DMD: variants seen among roughly 807,000 people sequenced by gnomAD.
DMD encodes mutant dystrophin.
In DMD, 63 loss-of-function variants were observed where a neutral mutation model predicts 330.1. That is an observed-to-expected ratio of 0.19 (90% CI 0.16 to 0.24). The LOEUF (loss-of-function observed/expected upper bound fraction) is 0.24. DMD is among the 10% of genes least tolerant of loss of function. The probability of loss-of-function intolerance (pLI) is 1.00; values close to 1 mark genes in which losing one functional copy is unlikely to be tolerated. For missense variants in DMD, 3,344 were observed against 2,684.1 expected (o/e 1.25, Z -5.43); for synonymous variants, 1,223 against 959.8 (o/e 1.27, Z -5.07).
chrX:31,941,536 CCTT>C lies in DMD; in HGVS notation c.6615-9312_6615-9310del, dbSNP rs758953014. On this transcript the variant is annotated intron_variant, in intron 45 of 78. Transcript: ENST00000357033. ...TCCTCCTGTCGCTGTCTCCTTCGCT[CCTT>C]CTCATTCTGATTTCAACTTTTATTT... Among the ~76,000 whole-genome samples the C allele has an allele frequency of 2.7e-5, 3 of 111,597 alleles. No homozygotes were observed. The East Asian group carries it at 8.5e-4, about 32-fold the overall frequency.
intron 8 of DMD, among the ~76,000 whole-genome samples, chrX:32,698,879 A>C (rs2063858431): frequency 1.8e-5 from 2 of 111,024 alleles, no homozygotes; most frequent in Admixed American, 1.9e-4. Flanking sequence ...TATTCCTATG[A>C]TATGGTACAT....
chrX:31,433,784 A>C (rs1462251575), intron 60 of DMD, among the ~76,000 whole-genome samples: 3 of 111,603 alleles, frequency 2.7e-5, no homozygotes, highest in Admixed American at 9.5e-5. Context: ...TTTTGGCAAA[A>C]CTATTTAAGT....
At chrX:32,216,673 T>C (rs887906640) in intron 44 of DMD, among the ~76,000 whole-genome samples, 10 of 111,482 alleles carry the variant, frequency 9.0e-5, no homozygotes, top group Non-Finnish European at 1.7e-4. Flanking sequence ...GATTCAATTA[T>C]ATTTTGCAGT....
intron 44 of DMD, among the ~76,000 whole-genome samples, chrX:32,057,268 A>G (rs144249805): frequency 1.4e-3 from 152 of 111,693 alleles, no homozygotes; most frequent in East Asian, 6.5e-3. Context: ...TACTAGCCAG[A>G]ACAATTAGAT....
At chrX:33,327,094 C>T (rs1218475882) in intron 1 of DMD, among the ~76,000 whole-genome samples, 1 of 112,056 alleles carries the variant, frequency 8.9e-6, no homozygotes, top group Non-Finnish European at 1.9e-5. Flanking sequence ...ATTGACATTC[C>T]TATTTGTTCA....
intron 44 of DMD, among the ~76,000 whole-genome samples, chrX:32,058,318 G>C (rs1218760860): frequency 9.1e-6 from 1 of 109,915 alleles, no homozygotes; most frequent in Non-Finnish European, 1.9e-5. Context: ...GAGAGAAAAG[G>C]TTTGCAAACC....
chrX:32,644,649 G>T (rs762726923), intron 10 of DMD, among the ~76,000 whole-genome samples: 38 of 110,399 alleles, frequency 3.4e-4, no homozygotes, highest in African/African-American at 1.2e-3. Flanking sequence ...TATCATCTCA[G>T]GAAAAGTCTC....
chrX:32,818,564 G>A (rs965498705), intron 5 of DMD, among the ~76,000 whole-genome samples: 9 of 111,617 alleles, frequency 8.1e-5, no homozygotes, highest in East Asian at 5.7e-4. Flanking sequence ...GTGTGTGTGC[G>A]CGCATACAAC....
chrX:31,429,185 C>A (rs1354371658), intron 60 of DMD, among the ~76,000 whole-genome samples: 3 of 110,418 alleles, frequency 2.7e-5, no homozygotes. Flanking sequence ...ATAGGAAAAA[C>A]CAGAAAAAAC....
chrX:31,185,440 C>T (rs1022703558), intron 67 of DMD, among the ~76,000 whole-genome samples: 1 of 111,879 alleles, frequency 8.9e-6, no homozygotes, highest in African/African-American at 3.3e-5. Flanking sequence ...TTAATTCCTT[C>T]TGCCTTACTG....
At chrX:31,561,188 C>G (rs2075177818) in intron 55 of DMD, among the ~76,000 whole-genome samples, 1 of 112,093 alleles carries the variant, frequency 8.9e-6, no homozygotes, top group Non-Finnish European at 1.9e-5. Flanking sequence ...CAAGCTTGAA[C>G]AGCTGTAGCC....
intron 44 of DMD, among the ~76,000 whole-genome samples, chrX:32,132,152 T>C (rs1290693115): frequency 9.8e-5 from 11 of 111,872 alleles, no homozygotes; most frequent in Non-Finnish European, 1.9e-4. Context: ...ACAATATTAA[T>C]AGATATAATG....
At chrX:32,682,305 G>A (rs2062486204) in intron 9 of DMD, among the ~76,000 whole-genome samples, 1 of 111,313 alleles carries the variant, frequency 9.0e-6, no homozygotes, top group African/African-American at 3.3e-5. Context: ...TTGCAAAGGA[G>A]AAGAAAGCTC....
chrX:32,146,170 T>A (rs2096777286), intron 44 of DMD, among the ~76,000 whole-genome samples: 2 of 112,499 alleles, frequency 1.8e-5, no homozygotes, highest in African/African-American at 6.5e-5. Context: ...CTGCTTTTTT[T>A]ATTCACAATG....
intron 50 of DMD, among the ~76,000 whole-genome samples, chrX:31,776,930 C>A (rs1329577745): frequency 8.9e-6 from 1 of 111,892 alleles, no homozygotes; most frequent in Non-Finnish European, 1.9e-5. Flanking sequence ...TATTTCTGGT[C>A]TTCTCTTCTC....
intron 55 of DMD, among the ~76,000 whole-genome samples, chrX:31,569,640 ATG>A (rs2075682077): frequency 2.4e-5 from 2 of 83,509 alleles, no homozygotes; most frequent in African/African-American, 8.8e-5. Context: ...ACGTATATAT[ATG>A]TATATACGTA....
chrX:32,233,599 TTTTATTTATTTATTTATTTATTTA>T (rs767364915), intron 43 of DMD, among the ~76,000 whole-genome samples: 2 of 87,960 alleles, frequency 2.3e-5, no homozygotes, highest in African/African-American at 4.3e-5. Context: ...TTTCTTTTTC[TTTTATTTATTTATTTATTTATTTA>T]TTTATTTATT....
At chrX:32,595,718 T>G (rs1454888316) in intron 13 of DMD, 39 bp downstream of exon 13, 1 of 1,189,696 alleles carries the variant, frequency 8.4e-7, no homozygotes, top group South Asian at 1.8e-5. Context: ...ATAGTTCTTT[T>G]AAAGGACATA....
chrX:32,411,573 A>T (rs2098142258), intron 30 of DMD, among the ~76,000 whole-genome samples, 179 bp downstream of exon 30: 1 of 111,820 alleles, frequency 8.9e-6, no homozygotes, highest in African/African-American at 3.3e-5. Flanking sequence ...TAAAAAAATA[A>T]ATCTTAGACT....
Sources: allele counts gnomAD v4.1 joint callset (sites outside exome capture counted in the v4.1 genomes callset), GRCh38; gene constraint gnomAD v4.1.1; transcripts MANE v1.5; gene names NCBI Gene and HGNC (gene_info 2026-07-23, HGNC 2026-07-21).